Variants in RGS3 observed in about 807,000 individuals in gnomAD.
The protein encoded by RGS3 is regulator of G protein signaling 3.
Under a neutral mutation model 132.6 loss-of-function variants are expected in RGS3, and 80 were observed. That is an observed-to-expected ratio of 0.60 (90% CI 0.50 to 0.73). The LOEUF (loss-of-function observed/expected upper bound fraction) is 0.73. Among genes scored for constraint, RGS3 ranks in the 30% least tolerant of loss-of-function variants. The pLI, the probability that RGS3 is intolerant of heterozygous loss-of-function variation, is 0.00. For synonymous variants in RGS3, 598 were observed against 620.6 expected (o/e 0.96, Z 0.54); for missense variants, 1,382 against 1,530.8 (o/e 0.90, Z 1.62).
chr9:113,489,006 G>C (rs546094831), intron 7 of RGS3, among the ~76,000 whole-genome samples: 12 of 152,310 alleles, frequency 7.9e-5, no homozygotes, highest in African/African-American at 2.9e-4. Flanking sequence ...GTGGAAGGAA[G>C]GAAACAAACA....
chr9:113,487,402 C>A (rs966963627), intron 7 of RGS3, among the ~76,000 whole-genome samples: 1 of 152,210 alleles, frequency 6.6e-6, no homozygotes, highest in Non-Finnish European at 1.5e-5. Context: ...TGAGCCACCG[C>A]GCCCGGCCTG....
At chr9:113,465,477 G>GTGTGCC (rs1234468920) in intron 3 of RGS3, among the ~76,000 whole-genome samples, 2 of 140,938 alleles carry the variant, frequency 1.4e-5, no homozygotes, top group South Asian at 5.1e-4. Context: ...GTGTGTGTGT[G>GTGTGCC]TGTGCCTGTG....
exon 16 of RGS3, chr9:113,517,570 C>T: frequency 6.2e-7 from 1 of 1,613,528 alleles, no homozygotes; most frequent in Non-Finnish European, 8.5e-7. Flanking sequence ...CTGCCCGGAC[C>T]CTCCTGCTGT....
At chr9:113,551,339 A>G (rs1833331208) in intron 19 of RGS3, among the ~76,000 whole-genome samples, 1 of 152,206 alleles carries the variant, frequency 6.6e-6, no homozygotes, top group African/African-American at 2.4e-5. Flanking sequence ...ATTCTGTTGT[A>G]TGGAATATCA....
intron 14 of RGS3, among the ~76,000 whole-genome samples, chr9:113,512,654 T>G (rs55714377): frequency 0.18 from 27,764 of 152,100 alleles, 2,640 homozygotes; most frequent in African/African-American, 0.21. Flanking sequence ...TCAGGCCACC[T>G]GTTCCCCCCT....
intron 15 of RGS3, 65 bp downstream of exon 13, chr9:113,514,719 C>T: frequency 6.5e-7 from 1 of 1,529,756 alleles, no homozygotes; most frequent in South Asian, 1.2e-5. Flanking sequence ...GGCCCTTGCC[C>T]CAGGACTCAG....
chr9:113,569,829 G>GCACT (rs1834205967), intron 19 of RGS3, among the ~76,000 whole-genome samples: 1 of 152,170 alleles, frequency 6.6e-6, no homozygotes, highest in African/African-American at 2.4e-5. Flanking sequence ...CCCCAGGGAA[G>GCACT]CACTCAGTTC....
chr9:113,497,141 C>T (rs535084333), intron 8 of RGS3, among the ~76,000 whole-genome samples, 173 bp from the exon 7 acceptor site: 1 of 152,294 alleles, frequency 6.6e-6, no homozygotes, highest in Non-Finnish European at 1.5e-5. Context: ...CCCTGAGCAT[C>T]ACGGAAGGCT....
In RGS3 at chr9:113,568,992, C is replaced by T. The variant is rs189144403; in HGVS notation, c.2038-14458C>T. Reference sequence around the variant, plus strand: ...TCCCAGGACATGCTCTTCCTTCTGGCAGTGGGCCTAAGTCATCACTCGAGA... The same window carrying T: ...TCCCAGGACATGCTCTTCCTTCTGGTAGTGGGCCTAAGTCATCACTCGAGA... On this transcript the variant is annotated intron_variant, in intron 19 of 24. Transcript: ENST00000350696. 2.6e-5 allele frequency among the ~76,000 whole-genome samples: 4 copies of T among 152,328 alleles called. No homozygotes were observed. In the East Asian group the frequency reaches 7.7e-4, roughly 29 times the overall value.
At chr9:113,484,883 G>A (rs775698652) in intron 6 of RGS3, among the ~76,000 whole-genome samples, 3 of 152,016 alleles carry the variant, frequency 2.0e-5, no homozygotes, top group Admixed American at 6.6e-5. Context: ...GTTATGATAG[G>A]AAAATAGAAA....
At chr9:113,452,452 T>C (rs952250756) in intron 1 of RGS3, among the ~76,000 whole-genome samples, 4 of 151,956 alleles carry the variant, frequency 2.6e-5, no homozygotes, top group African/African-American at 9.7e-5. Flanking sequence ...TAAGATTTTA[T>C]CTTTTCACTA....
Position 113,463,631 on chromosome 9 carries a change from C to G in RGS3, c.415+1430C>G, listed in dbSNP as rs999404400. On this transcript the variant is annotated intron_variant, in intron 3 of 24. Transcript: ENST00000350696. This position sits in a 1 kb window ranked among gnomAD's most constrained non-coding sequence, Gnocchi z 4.6. ...TCTGCTCCGGCAGGTGGAACTCTCC[C>G]CATTCAAACCCGCGCGGGCCAATCA... is the stretch of plus-strand genomic sequence containing the variant. The G allele has an allele frequency of 2.5e-5, 32 of 1,283,872 alleles. No individual in the cohort carries two copies. Among genetic ancestry groups the G allele is most frequent in the Admixed American group, 3.8e-5 (1 of 26,638 alleles). 79.5% of individuals were successfully genotyped at this position (1,283,872 alleles called of 1,614,324 possible).
rs374278518 is a variant in RGS3, at chr9:113,508,537, G to A, written c.1438-4G>A. On this transcript the variant is annotated splice_polypyrimidine_tract_variant and splice_region_variant and intron_variant, in intron 13 of 24. Transcript: ENST00000350696. ...GAGGTGGTTTTCCTGTCTTTCCCTT[G>A]CAGCTGCTCCGGCCTGTGTACCAGG... 170 of 1,612,572 alleles carry A rather than the reference G, an allele frequency of 1.1e-4. No individual in the cohort carries two copies. The highest frequency in any genetic ancestry group is 3.9e-5 in the Non-Finnish European group (46 of 1,179,988).
chr9:113,491,014 G>A (rs1259760501), intron 7 of RGS3, among the ~76,000 whole-genome samples: 9 of 130,284 alleles, frequency 6.9e-5, no homozygotes, highest in African/African-American at 1.2e-4. Context: ...TATATGTAAC[G>A]TAATTATTAT....
upstream of RGS3, among the ~76,000 whole-genome samples, chr9:113,459,455 T>A (rs1829422936): frequency 6.6e-6 from 1 of 152,166 alleles, no homozygotes; most frequent in Admixed American, 6.5e-5. Context: ...TTTTCTCTTA[T>A]AATTTAAAAT....
At chr9:113,514,012 C>T (rs1480542992) in intron 14 of RGS3, among the ~76,000 whole-genome samples, 1 of 152,182 alleles carries the variant, frequency 6.6e-6, no homozygotes, top group Non-Finnish European at 1.5e-5. Flanking sequence ...CGTACCCTGC[C>T]ACACAGGCTG....
intron 19 of RGS3, among the ~76,000 whole-genome samples, chr9:113,552,547 T>C (rs191531821): frequency 6.6e-6 from 1 of 152,322 alleles, no homozygotes; most frequent in African/African-American, 2.4e-5. Flanking sequence ...CTCCATCTCC[T>C]GACCTCGTAA....
intron 14 of RGS3, 93 bp downstream of exon 12, chr9:113,508,673 G>A (rs1831260055): frequency 7.5e-7 from 1 of 1,337,334 alleles, no homozygotes; most frequent in Admixed American, 1.7e-5. Context: ...GAGTTCTGAG[G>A]CCTTTCCAAT....
At chr9:113,447,854 T>A (rs1276261679) in intron 1 of RGS3, among the ~76,000 whole-genome samples, 2 of 150,658 alleles carry the variant, frequency 1.3e-5, no homozygotes, top group East Asian at 3.9e-4. Context: ...TAGTCTTTTT[T>A]TTTTTTTTTT....
Sources: gnomAD v4.1 joint callset for allele counts (sites outside exome capture counted in the v4.1 genomes callset) on GRCh38, gnomAD v4.1.1 for gene constraint, Gnocchi (gnomAD v3.1) non-coding constraint, MANE v1.5 for transcripts, NCBI Gene and HGNC (gene_info 2026-07-23, HGNC 2026-07-21) for gene names.